UBR1: variants seen among roughly 807,000 people sequenced by gnomAD.
UBR1 encodes E3 ubiquitin-protein ligase UBR1.
In UBR1, 102 loss-of-function variants were observed where a neutral mutation model predicts 242.1. The ratio of observed to expected loss-of-function variants is 0.42; its 90% CI spans 0.36 to 0.50. The LOEUF (loss-of-function observed/expected upper bound fraction) is 0.50, where lower values mean the gene tolerates loss of function less well. Among genes scored for constraint, UBR1 ranks in the 20% least tolerant of loss-of-function variants. The probability of loss-of-function intolerance (pLI) is 0.01; values close to 1 mark genes in which losing one functional copy is unlikely to be tolerated. For synonymous variants in UBR1, 675 were observed against 684.8 expected (o/e 0.99, Z 0.22); for missense variants, 1,772 against 2,101.8 (o/e 0.84, Z 3.07).
At chr15:43,060,170 G>C in intron 6 of UBR1, 56 bp from the exon 7 acceptor site, 1 of 1,517,190 alleles carries the variant, frequency 6.6e-7, no homozygotes, top group Non-Finnish European at 9.2e-7. Context: ...CAATCAATAA[G>C]CAATATGTAG....
intron 1 of UBR1, among the ~76,000 whole-genome samples, chr15:43,101,777 G>A (rs560805754): frequency 6.6e-6 from 1 of 151,880 alleles, no homozygotes; most frequent in Non-Finnish European, 1.5e-5. Context: ...GACCAACCTG[G>A]CCAACATGGT....
chr15:43,022,162 C>T (rs551290746), intron 26 of UBR1, among the ~76,000 whole-genome samples: 1 of 152,108 alleles, frequency 6.6e-6, no homozygotes, highest in African/African-American at 2.4e-5. Context: ...TGTTTGTCTC[C>T]TATTGTTTTT....
chr15:43,059,267 G>T, intron 8 of UBR1, 75 bp from the exon 9 acceptor site: 1 of 1,350,990 alleles, frequency 7.4e-7, no homozygotes, highest in Non-Finnish European at 1.0e-6. Context: ...GTCTCACTCT[G>T]TTGCCCAGGT....
At chr15:42,961,801 G>C (rs2032025001) in intron 42 of UBR1, among the ~76,000 whole-genome samples, 1 of 151,444 alleles carries the variant, frequency 6.6e-6, no homozygotes, top group Non-Finnish European at 1.5e-5. Context: ...GTTGCCCAGA[G>C]TGGAGTCCAA....
At chr15:43,003,731 A>C in intron 31 of UBR1, 106 bp downstream of exon 31, 1 of 1,035,894 alleles carries the variant, frequency 9.7e-7, no homozygotes, top group Non-Finnish European at 1.5e-6. Context: ...AATTATTCAA[A>C]TAAGAAGAAA....
chr15:43,000,796 T>C (rs1596093397), intron 32 of UBR1, among the ~76,000 whole-genome samples: 1 of 152,222 alleles, frequency 6.6e-6, no homozygotes, highest in East Asian at 1.9e-4. Context: ...TTTAGGTTTA[T>C]CAATGACATG....
chr15:43,070,670 ATAAGTCAC>A (rs2033813913), intron 5 of UBR1, 117 bp downstream of exon 5: 1 of 1,408,176 alleles, frequency 7.1e-7, no homozygotes, highest in South Asian at 1.2e-5. Context: ...TTCCCAAGAG[ATAAGTCAC>A]TAAGAATTTT....
At chr15:43,059,677 CAAG>C in intron 8 of UBR1, 22 bp downstream of exon 8, 1 of 1,605,698 alleles carries the variant, frequency 6.2e-7, no homozygotes, top group South Asian at 1.1e-5. Context: ...TTATCAGAAA[CAAG>C]AAAAACAGGA....
At chr15:43,019,143 G>A (rs2033069671) in intron 27 of UBR1, among the ~76,000 whole-genome samples, 1 of 151,374 alleles carries the variant, frequency 6.6e-6, no homozygotes, top group Non-Finnish European at 1.5e-5. Context: ...CTCACTGCAA[G>A]CTCCACCTCC....
At chr15:43,098,667 CCCTAGACT>C (rs1039965084) in intron 1 of UBR1, among the ~76,000 whole-genome samples, 4 of 152,180 alleles carry the variant, frequency 2.6e-5, no homozygotes, top group African/African-American at 9.7e-5. Context: ...ACTGTTCCTT[CCCTAGACT>C]CTTAGTTAGT....
chr15:42,945,070 G>C lies in UBR1; in HGVS notation c.*259C>G. On this transcript the variant is annotated 3_prime_UTR_variant, in exon 47 of 47. Coordinates refer to ENST00000290650, the MANE Select transcript of UBR1 (RefSeq NM_174916.3). ...AAGTGGATGAAATAAAATGAAATGA[G>C]ACAAATTATGAAGGGGAATAAATTC... 2.1e-6 allele frequency: 1 copy of C among 467,122 alleles called. No individual in the cohort carries two copies. The allele number at this position is 467,122 out of a possible 1,614,324, so 28.9% of individuals were successfully genotyped here.
intron 15 of UBR1, 108 bp from the exon 16 acceptor site, chr15:43,038,340 G>A (rs1343823821): frequency 2.8e-6 from 3 of 1,065,678 alleles, no homozygotes; most frequent in Non-Finnish European, 4.3e-6. Flanking sequence ...TGGGCGCGGT[G>A]GCTCATGCCT....
chr15:43,104,820 T>A (rs930217938), intron 1 of UBR1, among the ~76,000 whole-genome samples: 1 of 151,644 alleles, frequency 6.6e-6, no homozygotes, highest in African/African-American at 2.4e-5. Flanking sequence ...GCCAACATGG[T>A]GAAACCCCGT....
At position 43,077,165 on chromosome 15, in the gene UBR1, T is replaced by C. The variant is rs1305916180; in HGVS notation, c.418-2076A>G. Among the ~76,000 whole-genome samples, 88 of 143,856 alleles carry C rather than the reference T, an allele frequency of 6.1e-4. 1 individual carries two copies. In the South Asian group the frequency reaches 0.011, roughly 18 times the overall value. 94.4% of individuals were successfully genotyped at this position (143,856 alleles called of 152,430 possible). A position where few individuals can be genotyped will look rare whatever the true frequency, so the allele number is the denominator to read the frequency against. ...TCTGGGAGGTGTGCCCAGCGGCTCA[T>C]TGGGGATGGGCCATGATGACAATGG... On this transcript the variant is annotated intron_variant, in intron 3 of 46. Coordinates refer to ENST00000290650, the MANE Select transcript of UBR1 (RefSeq NM_174916.3).
intron 25 of UBR1, among the ~76,000 whole-genome samples, chr15:43,023,048 C>T (rs927407236): frequency 6.6e-5 from 10 of 151,462 alleles, no homozygotes; most frequent in Non-Finnish European, 1.3e-4. Context: ...TTGGAGGGGG[C>T]GGGGGGTATA....
At chr15:43,013,504 C>T (rs2032957076) in intron 29 of UBR1, among the ~76,000 whole-genome samples, 2 of 152,272 alleles carry the variant, frequency 1.3e-5, no homozygotes, top group Non-Finnish European at 2.9e-5. Context: ...CTTGTATAAG[C>T]CACCTTTTTC....
intron 1 of UBR1, among the ~76,000 whole-genome samples, chr15:43,095,576 TA>T (rs1300597995): frequency 6.6e-6 from 1 of 150,722 alleles, no homozygotes; most frequent in Non-Finnish European, 1.5e-5. Flanking sequence ...TCAAATGCTT[TA>T]AAAAAACTAA....
intron 46 of UBR1, among the ~76,000 whole-genome samples, chr15:42,946,082 T>G (rs907215599): frequency 1.3e-5 from 2 of 152,188 alleles, no homozygotes; most frequent in Non-Finnish European, 2.9e-5. Flanking sequence ...CCTAATTCCT[T>G]GAGACATTCA....
intron 11 of UBR1, among the ~76,000 whole-genome samples, chr15:43,055,822 T>A (rs1362103551): frequency 6.6e-6 from 1 of 151,436 alleles, no homozygotes; most frequent in East Asian, 2.0e-4. Flanking sequence ...GGCTGAGGCA[T>A]GAGAATCGCT....
Sources: allele counts gnomAD v4.1 joint callset (sites outside exome capture counted in the v4.1 genomes callset), GRCh38; gene constraint gnomAD v4.1.1; transcripts MANE v1.5; gene names NCBI Gene and HGNC (gene_info 2026-07-23, HGNC 2026-07-21).